Variants in HSD17B12 observed in about 807,000 individuals in gnomAD.
HSD17B12 encodes the protein hydroxysteroid 17-beta dehydrogenase 12.
Under a neutral mutation model 39.3 loss-of-function variants are expected in HSD17B12, and 32 were observed. The observed-to-expected ratio is 0.81, with a 90% confidence interval of 0.61 to 1.09. HSD17B12 has a LOEUF of 1.09. HSD17B12 is among the 50% of genes least tolerant of loss of function. HSD17B12 has a pLI of 0.00. For synonymous variants in HSD17B12, 150 were observed against 146.7 expected (o/e 1.02, Z -0.16); for missense variants, 342 against 382.9 (o/e 0.89, Z 0.89).
intron 6 of HSD17B12, among the ~76,000 whole-genome samples, chr11:43,820,415 A>G (rs1328531268): frequency 2.0e-5 from 3 of 152,180 alleles, no homozygotes; most frequent in African/African-American, 7.2e-5. Flanking sequence ...GATTTGCCCT[A>G]TAATATATTT....
chr11:43,669,327 C>A, the HSD17B12 span, among the ~76,000 whole-genome samples: 1 of 152,022 alleles, frequency 6.6e-6, no homozygotes, highest in East Asian at 1.9e-4. Context: ...ATGCTGAAAC[C>A]CCGTCTCTAC....
At chr11:43,783,397 C>CT (rs1349708824) in intron 3 of HSD17B12, among the ~76,000 whole-genome samples, 6,985 of 132,950 alleles carry the variant, frequency 0.053, 208 homozygotes, top group Middle Eastern at 0.12. Flanking sequence ...CTCCAAAGAG[C>CT]TTTTTTTTTT....
At chr11:43,801,247 G>A (rs1950965380) in intron 4 of HSD17B12, among the ~76,000 whole-genome samples, 1 of 152,152 alleles carries the variant, frequency 6.6e-6, no homozygotes, top group Admixed American at 6.5e-5. Context: ...GTTTTGAGTA[G>A]GGAAGGACAG....
intron 3 of HSD17B12, among the ~76,000 whole-genome samples, chr11:43,774,462 C>T (rs984330007): frequency 6.6e-5 from 10 of 152,098 alleles, no homozygotes; most frequent in South Asian, 2.1e-4. Flanking sequence ...ATCTGCCCCC[C>T]ACGGCCTTCC....
At chr11:43,708,513 T>G (rs574721444) in intron 1 of HSD17B12, among the ~76,000 whole-genome samples, 1 of 152,186 alleles carries the variant, frequency 6.6e-6, no homozygotes. Flanking sequence ...CTAAAATAAT[T>G]ATGCAAAAAA....
chr11:43,585,352 G>C, the HSD17B12 span, among the ~76,000 whole-genome samples: 13 of 152,248 alleles, frequency 8.5e-5, no homozygotes, highest in South Asian at 6.2e-4. Flanking sequence ...GAAACCCCAG[G>C]GCTGTCAGAT....
At chr11:43,677,281 A>G (rs1256436224), upstream of HSD17B12, among the ~76,000 whole-genome samples, 1 of 152,136 alleles carries the variant, frequency 6.6e-6, no homozygotes, top group Non-Finnish European at 1.5e-5. Flanking sequence ...ATTATCCTTA[A>G]GTTCTTGCTT....
chr11:43,848,844 C>T (rs1190705501), intron 9 of HSD17B12, among the ~76,000 whole-genome samples: 1 of 152,064 alleles, frequency 6.6e-6, no homozygotes, highest in Non-Finnish European at 1.5e-5. Context: ...TGCAGCATAC[C>T]CACTATTTGA....
At chr11:43,849,443 A>G (rs1951510718) in intron 9 of HSD17B12, among the ~76,000 whole-genome samples, 1 of 152,152 alleles carries the variant, frequency 6.6e-6, no homozygotes, top group African/African-American at 2.4e-5. Flanking sequence ...CCACGTTATC[A>G]TGTCCCCTCC....
intron 3 of HSD17B12, among the ~76,000 whole-genome samples, chr11:43,775,626 A>G (rs1206705688): frequency 6.6e-6 from 1 of 151,524 alleles, no homozygotes; most frequent in Non-Finnish European, 1.5e-5. Context: ...TTATTATTAT[A>G]CTTTAAGTTT....
At chr11:43,837,373 A>C (rs1323155923) in intron 7 of HSD17B12, among the ~76,000 whole-genome samples, 1 of 152,156 alleles carries the variant, frequency 6.6e-6, no homozygotes, top group Non-Finnish European at 1.5e-5. Context: ...GGGTGGGATC[A>C]GGTTGCAGTG....
At chr11:43,817,017 T>TAG (rs1491376088) in intron 6 of HSD17B12, among the ~76,000 whole-genome samples, 13 of 21,726 alleles carry the variant, frequency 6.0e-4, no homozygotes, top group African/African-American at 1.6e-3. Context: ...TATCTATATC[T>TAG]ATATCTATAT....
At chr11:43,649,730 C>A in the HSD17B12 span, among the ~76,000 whole-genome samples, 1 of 152,192 alleles carries the variant, frequency 6.6e-6, no homozygotes, top group Non-Finnish European at 1.5e-5. Flanking sequence ...GTGGATCCTT[C>A]GACTGTTTTG....
intron 3 of HSD17B12, among the ~76,000 whole-genome samples, chr11:43,769,147 C>T (rs905526887): frequency 2.0e-5 from 3 of 152,172 alleles, no homozygotes; most frequent in Admixed American, 2.0e-4. Flanking sequence ...ACCATATTGG[C>T]CAGGCTGGCC....
In HSD17B12 at chr11:43,855,213, C is replaced by A. The variant is rs747912181; in HGVS notation, c.904C>A (p.Arg302=). 72 of 1,609,938 alleles carry A rather than the reference C, an allele frequency of 4.5e-5. No individual in the cohort carries two copies. Among genetic ancestry groups the A allele is most frequent in the Non-Finnish European group, 6.1e-5 (72 of 1,178,452 alleles). The stretch of plus-strand genomic sequence containing the variant: ...AGTCATGAATATGAACAAGTCTACA[C>A]GGGCTCACTATCTGAAGAAAACCAA... The part of the protein sequence containing the change: ...KIVMNMNKST[R]AHYLKKTKKN Residue 302 remains arginine (R), a synonymous_variant, in exon 11 of 11, where the codon CGG becomes AGG. Coordinates refer to ENST00000278353, the MANE Select transcript of HSD17B12 (RefSeq NM_016142.3).
At chr11:43,658,681 G>A in the HSD17B12 span, among the ~76,000 whole-genome samples, 4 of 152,230 alleles carry the variant, frequency 2.6e-5, no homozygotes, top group Non-Finnish European at 4.4e-5. Context: ...TTTCCTGGGT[G>A]TCAGCAGCGG....
At chr11:43,737,616 G>A (rs1032123077) in intron 1 of HSD17B12, among the ~76,000 whole-genome samples, 1 of 152,048 alleles carries the variant, frequency 6.6e-6, no homozygotes, top group Non-Finnish European at 1.5e-5. Flanking sequence ...TGCCACCCAT[G>A]ACCATCATCT....
the HSD17B12 span, among the ~76,000 whole-genome samples, chr11:43,654,353 C>A: frequency 6.6e-6 from 1 of 152,094 alleles, no homozygotes; most frequent in South Asian, 2.1e-4. Flanking sequence ...GTTGCCTGTT[C>A]ACTCTGATGG....
the HSD17B12 span, among the ~76,000 whole-genome samples, chr11:43,571,698 G>C: frequency 6.6e-6 from 1 of 152,012 alleles, no homozygotes; most frequent in African/African-American, 2.4e-5. Flanking sequence ...TTGAGTTGTT[G>C]ATGGCAACCA....
Sources: allele counts gnomAD v4.1 joint callset (sites outside exome capture counted in the v4.1 genomes callset), GRCh38; gene constraint gnomAD v4.1.1; transcripts MANE v1.5; gene names NCBI Gene and HGNC (gene_info 2026-07-23, HGNC 2026-07-21).